SUCLA2: variants seen among roughly 807,000 people sequenced by gnomAD.
SUCLA2 encodes succinate--CoA ligase [ADP-forming] subunit beta, mitochondrial.
A neutral mutation model predicts 54.8 loss-of-function variants in SUCLA2; 30 were observed. The observed-to-expected ratio is 0.55, with a 90% CI of 0.41 to 0.74. The LOEUF is 0.74. Among genes scored for constraint, SUCLA2 ranks in the 30% least tolerant of loss-of-function variants. The probability of loss-of-function intolerance (pLI) is 0.00; values close to 1 mark genes in which losing one functional copy is unlikely to be tolerated. For synonymous variants in SUCLA2, 172 were observed against 188.9 expected (o/e 0.91, Z 0.74); for missense variants, 476 against 562.9 (o/e 0.85, Z 1.56).
chr13:47,970,905 C>G (rs919711243), intron 5 of SUCLA2, among the ~76,000 whole-genome samples: 6 of 151,600 alleles, frequency 4.0e-5, no homozygotes. Flanking sequence ...ATACCACAAA[C>G]TTATTCTGAC....
chr13:47,954,435 G>A lies in SUCLA2; in HGVS notation c.925C>T (p.Leu309Phe), dbSNP rs760188870. 6.2e-7 allele frequency: 1 copy of A among 1,614,020 alleles called. No individual in the cohort carries two copies. Among genetic ancestry groups the A allele is most frequent in the Non-Finnish European group, 8.5e-7 (1 of 1,179,930 alleles). ...TTTCCATCGAGGCCAATGTAGTTGA[G>A]ATTTGCCTTAGCAGCATCTTTGTCC... ...ERDKDAAKAN[L>F]NYIGLDGNIG... Residue 309 changes from leucine to phenylalanine, a missense_variant, in exon 7 of 11, where the codon CTC becomes TTC. Coordinates refer to ENST00000646932, the MANE Select transcript of SUCLA2 (RefSeq NM_003850.3).
At chr13:47,945,603 C>T (rs1186713153) in intron 10 of SUCLA2, 1 of 149,116 alleles carries the variant, frequency 6.7e-6, no homozygotes, top group South Asian at 2.1e-4. Flanking sequence ...GTAAAAGAAA[C>T]AAAGTATAGA....
chr13:47,957,358 T>C (rs942158179), intron 6 of SUCLA2, among the ~76,000 whole-genome samples: 3 of 152,164 alleles, frequency 2.0e-5, no homozygotes, highest in African/African-American at 7.2e-5. Context: ...AAACCCCTAG[T>C]GATTCCGTAA....
At chr13:47,998,211 A>T (rs776248499) in intron 1 of SUCLA2, among the ~76,000 whole-genome samples, 13 of 151,460 alleles carry the variant, frequency 8.6e-5, no homozygotes, top group Non-Finnish European at 1.6e-4. Context: ...CAGGAGTTTG[A>T]GACTGCAGTG....
At chr13:47,974,647 G>T (rs911657623) in intron 4 of SUCLA2, among the ~76,000 whole-genome samples, 1 of 152,084 alleles carries the variant, frequency 6.6e-6, no homozygotes, top group Admixed American at 6.6e-5. Flanking sequence ...GAATAGCTCT[G>T]GCTATTGTCA....
chr13:47,965,646 G>GA, intron 6 of SUCLA2: 1 of 398,388 alleles, frequency 2.5e-6, no homozygotes. Context: ...TGGTCCTGGG[G>GA]AAAAATAGTA....
At chr13:47,988,417 G>T in intron 4 of SUCLA2, 124 bp downstream of exon 4, 1 of 1,091,482 alleles carries the variant, frequency 9.2e-7, no homozygotes, top group South Asian at 1.5e-5. Context: ...TCATGCTCAT[G>T]ACATACAAAC....
At chr13:47,955,006 A>G (rs936298698) in intron 6 of SUCLA2, among the ~76,000 whole-genome samples, 4 of 151,894 alleles carry the variant, frequency 2.6e-5, no homozygotes, top group Non-Finnish European at 4.4e-5. Flanking sequence ...CCGACTTGCT[A>G]AAACAGTTTT....
At position 47,954,523 on chromosome 13, in the gene SUCLA2, A is replaced by G. The variant is rs745922036; in HGVS notation, c.837T>C (p.Ser279=). Residue 279 remains serine, a synonymous_variant, in exon 7 of 11, where the codon TCT becomes TCC. Coordinates refer to ENST00000646932, the MANE Select transcript of SUCLA2 (RefSeq NM_003850.3). ...TTTTCTTTTGGCGATAGGCTGAATTAGAGTCAAAATTGATCTTTGCATCCA... is the reference window on the plus strand; with the variant it reads ...TTTTCTTTTGGCGATAGGCTGAATTGGAGTCAAAATTGATCTTTGCATCCA... ...LCMDAKINFD[S]NSAYRQKKIF... is the part of the protein sequence containing the mutation. The G allele has an allele frequency of 1.9e-6, 3 of 1,613,888 alleles. No homozygotes were observed. Among genetic ancestry groups the G allele is most frequent in the Non-Finnish European group, 1.7e-6 (2 of 1,179,812 alleles).
At position 47,988,247 on chromosome 13, in the gene SUCLA2, G is replaced by C. The variant is rs182018376; in HGVS notation, c.534+294C>G. 1.1e-5 allele frequency: 5 copies of C among 462,042 alleles called. No individual in the cohort carries two copies. In the Admixed American group the frequency reaches 2.0e-4, roughly 18 times the overall value. The allele number at this position is 462,042 out of a possible 1,614,324, so 28.6% of individuals were successfully genotyped here. A position where few individuals can be genotyped will look rare whatever the true frequency, so the allele number is the denominator to read the frequency against. On this transcript the variant is annotated intron_variant, in intron 4 of 10. Coordinates refer to ENST00000646932, the MANE Select transcript of SUCLA2 (RefSeq NM_003850.3). ...TGCTAGATATAATTTTCTCAATCTG[G>C]AGATGATCCAGAGATGATTTAAGCT...
At chr13:47,968,562 C>A (rs1949937251) in intron 6 of SUCLA2, 33 bp downstream of exon 6, 1 of 1,609,442 alleles carries the variant, frequency 6.2e-7, no homozygotes, top group Non-Finnish European at 8.5e-7. Flanking sequence ...GAAATAAATG[C>A]ATAATCATGT....
At chr13:47,997,066 C>T in intron 1 of SUCLA2, 43 bp from the exon 2 acceptor site, 1 of 1,607,466 alleles carries the variant, frequency 6.2e-7, no homozygotes, top group East Asian at 2.2e-5. Flanking sequence ...AGTGATTTGG[C>T]AGTCACTCTT....
At chr13:47,952,162 T>C (rs1348616628) in intron 8 of SUCLA2, among the ~76,000 whole-genome samples, 2 of 152,098 alleles carry the variant, frequency 1.3e-5, no homozygotes, top group Non-Finnish European at 2.9e-5. Flanking sequence ...TGAATAGTCC[T>C]ACAACATTTG....
intron 4 of SUCLA2, among the ~76,000 whole-genome samples, chr13:47,986,302 A>G (rs1950104133): frequency 6.6e-6 from 1 of 152,162 alleles, no homozygotes; most frequent in East Asian, 1.9e-4. Flanking sequence ...AAGTGCTGGG[A>G]TTACAGGCGT....
intron 5 of SUCLA2, among the ~76,000 whole-genome samples, chr13:47,972,898 C>T (rs1330741590): frequency 5.3e-5 from 8 of 150,340 alleles, no homozygotes; most frequent in African/African-American, 1.7e-4. Flanking sequence ...CAGGCACGCA[C>T]CACCATGCCC....
chr13:47,973,471 A>G (rs1884308392), intron 4 of SUCLA2, 79 bp from the exon 5 acceptor site: 11 of 1,505,726 alleles, frequency 7.3e-6, no homozygotes, highest in Non-Finnish European at 1.0e-5. Context: ...ACCCGTGCAT[A>G]ATATCAGATG....
chr13:47,983,614 G>C (rs894003450), intron 4 of SUCLA2, among the ~76,000 whole-genome samples: 1 of 151,296 alleles, frequency 6.6e-6, no homozygotes, highest in African/African-American at 2.4e-5. Flanking sequence ...CTCAGCCTCC[G>C]GAGTAGCTGG....
intron 6 of SUCLA2, among the ~76,000 whole-genome samples, chr13:47,960,872 G>A (rs1032167120): frequency 1.3e-5 from 2 of 152,158 alleles, no homozygotes; most frequent in African/African-American, 4.8e-5. Context: ...AAGTTAAAAC[G>A]ATTCAATCCC....
intron 4 of SUCLA2, among the ~76,000 whole-genome samples, chr13:47,986,453 G>T (rs904697110): frequency 6.6e-6 from 1 of 152,030 alleles, no homozygotes; most frequent in African/African-American, 2.4e-5. Context: ...GACCTTTGTC[G>T]GAAGGATAGA....
Sources: gnomAD v4.1 joint callset for allele counts (sites outside exome capture counted in the v4.1 genomes callset) on GRCh38, gnomAD v4.1.1 for gene constraint, MANE v1.5 for transcripts, NCBI Gene and HGNC (gene_info 2026-07-23, HGNC 2026-07-21) for gene names.